Variants in ACKR3 observed in about 807,000 individuals in gnomAD.
The protein encoded by ACKR3 is atypical chemokine receptor 3, also known as C-X-C chemokine receptor type 7.
In ACKR3, 6 loss-of-function variants were observed where a neutral mutation model predicts 22.4. That is an observed-to-expected ratio of 0.27 (90% confidence interval 0.15 to 0.53). ACKR3 has a LOEUF of 0.53. Among genes scored for constraint, ACKR3 ranks in the 20% least tolerant of loss-of-function variants. The pLI is 0.96. For synonymous variants in ACKR3, 209 were observed against 205.2 expected (o/e 1.02, Z -0.16); for missense variants, 396 against 475.2 (o/e 0.83, Z 1.55).
At chr2:236,569,717 T>C (rs944816727), upstream of ACKR3, 1 of 148,814 alleles carries the variant, frequency 6.7e-6, no homozygotes, top group African/African-American at 2.4e-5. Context: ...GCCTGTGGGA[T>C]GGGGGTGGCA....
the ACKR3 span, among the ~76,000 whole-genome samples, chr2:236,558,442 T>C: frequency 2.0e-5 from 3 of 152,132 alleles, no homozygotes; most frequent in African/African-American, 7.2e-5. Context: ...TTTTGTGTCT[T>C]TTTCTAGTTT....
the ACKR3 span, among the ~76,000 whole-genome samples, chr2:236,557,274 G>A: frequency 6.6e-6 from 1 of 152,056 alleles, no homozygotes; most frequent in Non-Finnish European, 1.5e-5. Flanking sequence ...GTGTGTGTGT[G>A]TGTGTGTGCA....
In ACKR3 at chr2:236,580,711, C is replaced by T; in HGVS notation, c.246C>T (p.Tyr82=). ...CCACAGGCTATGACACGCACTGCTA[C>T]ATCTTGAACCTGGCCATTGCCGACC... The part of the protein sequence containing the change: ...AKTTGYDTHC[Y]ILNLAIADLW... Residue 82 remains tyrosine (Y), a synonymous_variant, in exon 2 of 2, where the codon TAC becomes TAT. Transcript: ENST00000272928. The T allele has an allele frequency of 2.5e-6, 4 of 1,614,210 alleles. No homozygotes were observed. Among genetic ancestry groups the T allele is most frequent in the Non-Finnish European group, 2.5e-6 (3 of 1,180,036 alleles).
chr2:236,538,913 T>C, the ACKR3 span, among the ~76,000 whole-genome samples: 2 of 152,206 alleles, frequency 1.3e-5, no homozygotes, highest in South Asian at 2.1e-4. Flanking sequence ...CTGGATACTC[T>C]AGCTCAGGGC....
At chr2:236,580,185 A>T (rs1417648536) in intron 1 of ACKR3, among the ~76,000 whole-genome samples, 1 of 152,244 alleles carries the variant, frequency 6.6e-6, no homozygotes, top group African/African-American at 2.4e-5. Flanking sequence ...CACAGCCATG[A>T]AAAGATGGAG....
rs1308697226 is a variant in ACKR3, at chr2:236,582,320, A to T, written c.*766A>T. The T allele has an allele frequency of 6.0e-6, 1 of 166,064 alleles. No individual in the cohort carries two copies. The highest frequency in any genetic ancestry group is 1.5e-5 in the Non-Finnish European group (1 of 67,930). The allele number at this position is 166,064 out of a possible 1,614,324, so 10.3% of individuals were successfully genotyped here. A position where few individuals can be genotyped will look rare whatever the true frequency, so the allele number is the denominator to read the frequency against. On this transcript the variant is annotated 3_prime_UTR_variant, in exon 2 of 2. Coordinates refer to ENST00000272928, the MANE Select transcript of ACKR3 (RefSeq NM_020311.3). ...AGAGAGTTCTCTCAATTTGTAAGTT[A>T]TTTTTTTTTAATAAAGATTTTTGTT... is the stretch of plus-strand genomic sequence containing the variant.
At chr2:236,546,019 G>A in the ACKR3 span, among the ~76,000 whole-genome samples, 4 of 152,162 alleles carry the variant, frequency 2.6e-5, no homozygotes, top group Non-Finnish European at 5.9e-5. The surrounding 1 kb of genome is among the most constrained non-coding windows in gnomAD (Gnocchi z 4.9). Context: ...TGTAAGTTTT[G>A]CTTCCTTTTC....
At chr2:236,559,179 C>G in the ACKR3 span, among the ~76,000 whole-genome samples, 1 of 152,214 alleles carries the variant, frequency 6.6e-6, no homozygotes, top group Non-Finnish European at 1.5e-5. Flanking sequence ...TTTTCTGTGT[C>G]AAACTTTACA....
At chr2:236,552,842 C>G in the ACKR3 span, among the ~76,000 whole-genome samples, 1 of 152,140 alleles carries the variant, frequency 6.6e-6, no homozygotes, top group Non-Finnish European at 1.5e-5. Flanking sequence ...ATCACGCTGG[C>G]CACTTGTACG....
At chr2:236,573,334 GA>G (rs1487073056) in intron 1 of ACKR3, among the ~76,000 whole-genome samples, 1 of 152,220 alleles carries the variant, frequency 6.6e-6, no homozygotes, top group African/African-American at 2.4e-5. Flanking sequence ...AAGGAGACCA[GA>G]GCGTTTGCTT....
upstream of ACKR3, chr2:236,569,497 G>T (rs189146988): frequency 3.7e-4 from 57 of 152,350 alleles, no homozygotes; most frequent in Middle Eastern, 6.8e-3. Context: ...ATATACCTGA[G>T]ACCAGATAAA....
chr2:236,545,373 G>T, the ACKR3 span, among the ~76,000 whole-genome samples: 90 of 152,242 alleles, frequency 5.9e-4, no homozygotes, highest in African/African-American at 2.0e-3. The surrounding 1 kb of genome is among the most constrained non-coding windows in gnomAD (Gnocchi z 5.3). Flanking sequence ...CAACACCCAG[G>T]CTTTCCGCTT....
chr2:236,570,629 G>T (rs1691289933), intron 1 of ACKR3, among the ~76,000 whole-genome samples: 1 of 152,162 alleles, frequency 6.6e-6, no homozygotes. Flanking sequence ...GGGGTTGGGG[G>T]AAGCACACAC....
At chr2:236,563,979 G>T (rs2106493298), upstream of ACKR3, among the ~76,000 whole-genome samples, 1 of 152,340 alleles carries the variant, frequency 6.6e-6, no homozygotes, top group South Asian at 2.1e-4. Context: ...CAGCTGGGGT[G>T]AGGCAGGAGA....
upstream of ACKR3, among the ~76,000 whole-genome samples, chr2:236,567,071 C>T (rs1187830453): frequency 2.6e-5 from 4 of 152,118 alleles, no homozygotes; most frequent in Admixed American, 6.5e-5. Context: ...ATGGTGCAAT[C>T]CCGGCTCACT....
chr2:236,576,528 C>T (rs1413965760), intron 1 of ACKR3, among the ~76,000 whole-genome samples: 1 of 152,190 alleles, frequency 6.6e-6, no homozygotes, highest in Non-Finnish European at 1.5e-5. Flanking sequence ...TCATAGTTTG[C>T]TCTATGAAGC....
At chr2:236,552,271 G>A in the ACKR3 span, among the ~76,000 whole-genome samples, 1 of 152,176 alleles carries the variant, frequency 6.6e-6, no homozygotes, top group Admixed American at 6.5e-5. Context: ...TGTCCTCCGG[G>A]TGGATGTGAG....
rs766774920 is a variant in ACKR3 at position 236,581,188 on chromosome 2, G to A, written c.723G>A (p.Ala241=). ...TCCTGCTGGCCAGAGCCATCTCGGC[G>A]TCCAGTGACCAGGAGAAGCACAGCA... ...FYFLLARAIS[A]SSDQEKHSSR... The change falls in exon 2 of 2, where the codon GCG becomes GCA. Residue 241 remains alanine, a synonymous_variant. Transcript: ENST00000272928. This position sits in a 1 kb window ranked among gnomAD's most constrained non-coding sequence, Gnocchi z 4.4. 100 of 1,613,434 alleles carry A rather than the reference G, an allele frequency of 6.2e-5. No individual in the cohort carries two copies. Among genetic ancestry groups the A allele is most frequent in the Non-Finnish European group, 7.9e-5 (93 of 1,179,590 alleles).
the ACKR3 span, among the ~76,000 whole-genome samples, chr2:236,542,029 T>A: frequency 6.6e-6 from 1 of 152,038 alleles, no homozygotes; most frequent in East Asian, 1.9e-4. Context: ...AAACAACACA[T>A]AAACAATCTA....
Sources: gnomAD v4.1 joint callset for allele counts (sites outside exome capture counted in the v4.1 genomes callset) on GRCh38, gnomAD v4.1.1 for gene constraint, Gnocchi (gnomAD v3.1) non-coding constraint, MANE v1.5 for transcripts, NCBI Gene and HGNC (gene_info 2026-07-23, HGNC 2026-07-21) for gene names.